SGPP2: variants seen among roughly 807,000 people sequenced by gnomAD.
The protein encoded by SGPP2 is sphingosine 1-phosphate phosphohydrolase 2.
In SGPP2, 30 loss-of-function variants were observed where a neutral mutation model predicts 33.9. The ratio of observed to expected loss-of-function variants is 0.89; its 90% CI spans 0.66 to 1.20. The LOEUF (loss-of-function observed/expected upper bound fraction) is 1.20. Among genes scored for constraint, SGPP2 ranks in the 50% most tolerant of loss-of-function variants. The pLI, the probability that SGPP2 is intolerant of heterozygous loss-of-function variation, is 0.00. For synonymous variants in SGPP2, 233 were observed against 225.0 expected (o/e 1.04, Z -0.32); for missense variants, 458 against 532.1 (o/e 0.86, Z 1.37).
intron 2 of SGPP2, among the ~76,000 whole-genome samples, chr2:222,516,127 T>C (rs1698600731): frequency 6.6e-6 from 1 of 152,194 alleles, no homozygotes; most frequent in Non-Finnish European, 1.5e-5. Context: ...ATCAAGATGA[T>C]ATTTATCACC....
At position 222,435,747 on chromosome 2, in the gene SGPP2, C is replaced by T. The variant is rs545967021; in HGVS notation, c.219+10926C>T. 2.0e-5 allele frequency among the ~76,000 whole-genome samples: 3 copies of T among 152,286 alleles called. No individual in the cohort carries two copies. The East Asian group carries it at 5.8e-4, about 29-fold the overall frequency. On this transcript the variant is annotated intron_variant, in intron 1 of 4. Coordinates refer to ENST00000321276, the MANE Select transcript of SGPP2 (RefSeq NM_152386.4). ...TTTTCTTAGTACAAGTGTATACGTG[C>T]ACAAACATGTTTTAACAAAAGAATA...
chr2:222,558,165 A>AT (rs927524244), intron 4 of SGPP2, among the ~76,000 whole-genome samples, 182 bp from the exon 5 acceptor site: 2 of 152,184 alleles, frequency 1.3e-5, no homozygotes, highest in African/African-American at 4.8e-5. Flanking sequence ...TGTTGGAAGC[A>AT]TTTTTTCGTA....
rs542804879 is a variant in SGPP2 at position 222,491,039 on chromosome 2, TC to T, written c.378+16315del. ...GCCCAGTAGGATGATGTGATTGTAC[TC>T]CAGTAATAATTGTCTCATGCCAGCT... is the stretch of plus-strand genomic sequence containing the variant. On this transcript the variant is annotated intron_variant, in intron 2 of 4. Coordinates refer to ENST00000321276, the MANE Select transcript of SGPP2 (RefSeq NM_152386.4). Among the ~76,000 whole-genome samples, 6 of 152,336 alleles carry T rather than the reference TC, an allele frequency of 3.9e-5. No individual in the cohort carries two copies. The South Asian group carries it at 1.0e-3, about 26-fold the overall frequency.
intron 2 of SGPP2, among the ~76,000 whole-genome samples, chr2:222,489,596 A>G (rs749350512): frequency 5.9e-5 from 9 of 152,134 alleles, no homozygotes; most frequent in Non-Finnish European, 1.2e-4. Context: ...CAAGTCTTCT[A>G]ATCTACAAAG....
chr2:222,439,730 T>A (rs564692982), intron 1 of SGPP2, among the ~76,000 whole-genome samples: 1 of 152,336 alleles, frequency 6.6e-6, no homozygotes, highest in Non-Finnish European at 1.5e-5. Context: ...TATATAATGT[T>A]CTTGAAATGG....
Position 222,481,380 on chromosome 2 carries a change from AT to A in SGPP2, c.378+6661del, listed in dbSNP as rs369641096. On this transcript the variant is annotated intron_variant, in intron 2 of 4. Coordinates refer to ENST00000321276, the MANE Select transcript of SGPP2 (RefSeq NM_152386.4). ...TGTATGAATTGTCAGTCTGCCTTGT[AT>A]TTTTTTAAAAGGGGCTTTCATTTTT... 1.5e-4 allele frequency among the ~76,000 whole-genome samples: 23 copies of A among 152,210 alleles called. No homozygotes were observed. In the East Asian group the frequency reaches 3.9e-3, roughly 25 times the overall value.
At chr2:222,463,325 G>T (rs545839994) in intron 1 of SGPP2, among the ~76,000 whole-genome samples, 244 of 152,280 alleles carry the variant, frequency 1.6e-3, no homozygotes, top group African/African-American at 5.6e-3. Flanking sequence ...AAAGCAAAGG[G>T]CTGGATTCAA....
At chr2:222,427,328 A>G (rs1036417915) in intron 1 of SGPP2, among the ~76,000 whole-genome samples, 12 of 152,148 alleles carry the variant, frequency 7.9e-5, no homozygotes, top group Admixed American at 5.9e-4. Context: ...TGGCACAATC[A>G]TAAGTCACTG....
intron 3 of SGPP2, among the ~76,000 whole-genome samples, chr2:222,524,543 A>G (rs1473941410): frequency 2.6e-5 from 4 of 152,202 alleles, no homozygotes; most frequent in Admixed American, 1.3e-4. Flanking sequence ...TTTTCAGATT[A>G]TAGCCCTGGC....
chr2:222,431,200 A>G (rs2106056225), intron 1 of SGPP2, among the ~76,000 whole-genome samples: 1 of 152,182 alleles, frequency 6.6e-6, no homozygotes, highest in Non-Finnish European at 1.5e-5. Flanking sequence ...AAAAAAAAAA[A>G]AAGTCTATTT....
chr2:222,531,526 C>T (rs1021371448), intron 4 of SGPP2, among the ~76,000 whole-genome samples: 2 of 152,072 alleles, frequency 1.3e-5, no homozygotes, highest in African/African-American at 4.8e-5. Flanking sequence ...GTCAGGGAGA[C>T]AGGGAGGAAT....
At chr2:222,435,497 C>T (rs1452774360) in intron 1 of SGPP2, among the ~76,000 whole-genome samples, 1 of 152,198 alleles carries the variant, frequency 6.6e-6, no homozygotes, top group Non-Finnish European at 1.5e-5. Context: ...CTTTTGTCAA[C>T]TTGAACCCAT....
rs193033329 is a variant in SGPP2, at chr2:222,542,208, C to G, written c.649-16139C>G. ...TATCGGGTTTCTTTTACTCCCTGTT[C>G]TATTTGTGAAATTCACCATGTTGCT... On this transcript the variant is annotated intron_variant, in intron 4 of 4. Transcript: ENST00000321276. Among the ~76,000 whole-genome samples the G allele has an allele frequency of 1.6e-3, 250 of 152,250 alleles. 1 individual carries two copies. The highest frequency in any genetic ancestry group is 0.014 in the Admixed American group (218 of 15,302).
intron 2 of SGPP2, among the ~76,000 whole-genome samples, chr2:222,514,234 T>C (rs1169647509): frequency 6.6e-6 from 1 of 152,256 alleles, no homozygotes; most frequent in Non-Finnish European, 1.5e-5. Flanking sequence ...AGTATCACTA[T>C]GAATGTGCCA....
chr2:222,540,883 T>C (rs1698986119), intron 4 of SGPP2, among the ~76,000 whole-genome samples: 1 of 147,474 alleles, frequency 6.8e-6, no homozygotes, highest in African/African-American at 2.5e-5. Context: ...AGTGGCATGA[T>C]CTCAGCTCAC....
intron 1 of SGPP2, among the ~76,000 whole-genome samples, chr2:222,467,184 G>A (rs898011066): frequency 2.0e-5 from 3 of 152,076 alleles, no homozygotes; most frequent in African/African-American, 4.8e-5. Flanking sequence ...CATCACCTGC[G>A]CTCCTGAGAA....
chr2:222,492,346 G>A (rs998783155), intron 2 of SGPP2, among the ~76,000 whole-genome samples: 2 of 152,354 alleles, frequency 1.3e-5, no homozygotes, highest in Non-Finnish European at 1.5e-5. Flanking sequence ...ATCTAGATGG[G>A]TGTTCCCAAA....
At chr2:222,539,466 T>C (rs1484031021) in intron 4 of SGPP2, among the ~76,000 whole-genome samples, 1 of 152,166 alleles carries the variant, frequency 6.6e-6, no homozygotes. Flanking sequence ...AGCACAGAGA[T>C]CATTGCTATA....
At chr2:222,425,538 C>A (rs553990946) in intron 1 of SGPP2, among the ~76,000 whole-genome samples, 2 of 152,292 alleles carry the variant, frequency 1.3e-5, no homozygotes, top group South Asian at 4.1e-4. Flanking sequence ...CAACCCACTG[C>A]GGCTTGGGGG....
Sources: allele counts gnomAD v4.1 joint callset (sites outside exome capture counted in the v4.1 genomes callset), GRCh38; gene constraint gnomAD v4.1.1; transcripts MANE v1.5; gene names NCBI Gene and HGNC (gene_info 2026-07-23, HGNC 2026-07-21).